Variants in ANKRD31 observed in about 807,000 individuals in gnomAD.
The protein encoded by ANKRD31 is ankyrin repeat domain-containing protein 31.
ANKRD31 carries 147 observed loss-of-function variants against 186.0 expected under a neutral mutation model. The observed-to-expected ratio is 0.79, with a 90% CI of 0.69 to 0.91. The LOEUF (loss-of-function observed/expected upper bound fraction) is 0.91. Ranked by LOEUF, ANKRD31 falls within the 40% of genes least tolerant of loss-of-function variation. ANKRD31 has a pLI of 0.00. For missense variants in ANKRD31, 1,986 were observed against 2,148.8 expected, an observed-to-expected ratio of 0.92 and a Z score of 1.50; for synonymous variants, 673 against 736.4, an observed-to-expected ratio of 0.91 and a Z score of 1.39.
chr5:75,118,142 T>C lies in ANKRD31; in HGVS notation c.4032A>G (p.Ile1344Met), dbSNP rs1360331604. Residue 1344 changes from isoleucine (I) to methionine (M), a missense_variant, in exon 18 of 26, where the codon ATA (isoleucine) becomes ATG (methionine). Transcript: ENST00000506364. ...CAATATTGATATACATACCATTGAC[T>C]ATAGCATCACTCTCATCTCTATTAA... ...ETVNRDESDA[I>M]VNEKIPAVRS... 1 of 1,472,474 alleles carries C rather than the reference T, an allele frequency of 6.8e-7. No homozygotes were observed. Among genetic ancestry groups the C allele is most frequent in the Non-Finnish European group, 8.9e-7 (1 of 1,123,238 alleles). 91.2% of individuals were successfully genotyped at this position (1,472,474 alleles called of 1,614,324 possible).
intron 3 of ANKRD31, among the ~76,000 whole-genome samples, chr5:75,214,933 T>A (rs1402782357): frequency 6.6e-6 from 1 of 152,128 alleles, no homozygotes; most frequent in Non-Finnish European, 1.5e-5. Context: ...ACCAATGGGA[T>A]GTGTACATAT....
chr5:75,117,806 C>T, intron 18 of ANKRD31, among the ~76,000 whole-genome samples: 1 of 152,052 alleles, frequency 6.6e-6, no homozygotes, highest in East Asian at 1.9e-4. Context: ...TAATGTCGCC[C>T]TTTTCCAGCC....
chr5:75,080,560 T>C lies in ANKRD31; in HGVS notation c.5647+8A>G. ...TAAATGGAATTGAATATTTTCTTTT[T>C]TTTTTACCTTGTCCAAATTTTGTTT... On this transcript the variant is annotated splice_region_variant and intron_variant, in intron 25 of 25. Coordinates refer to ENST00000506364, the MANE Select transcript of ANKRD31 (RefSeq NM_001372053.1). The C allele has an allele frequency of 1.3e-6, 2 of 1,518,298 alleles. No homozygotes were observed. The highest frequency in any genetic ancestry group is 1.2e-5 in the South Asian group (1 of 81,504). 94.1% of individuals were successfully genotyped at this position (1,518,298 alleles called of 1,614,324 possible). A position where few individuals can be genotyped will look rare whatever the true frequency, so the allele number is the denominator to read the frequency against.
At chr5:75,149,554 A>G (rs531381413) in intron 12 of ANKRD31, among the ~76,000 whole-genome samples, 109 of 152,008 alleles carry the variant, frequency 7.2e-4, no homozygotes, top group Non-Finnish European at 1.3e-3. Flanking sequence ...AAAAGGTGCT[A>G]TTCCTTTGGA....
At chr5:75,188,402 T>C in intron 10 of ANKRD31, 91 bp downstream of exon 10, 1 of 1,260,868 alleles carries the variant, frequency 7.9e-7, no homozygotes, top group Admixed American at 3.1e-5. Flanking sequence ...GGAACTTACC[T>C]TAGGCTCACT....
chr5:75,157,349 G>A (rs1219044152), intron 11 of ANKRD31, among the ~76,000 whole-genome samples: 6 of 152,174 alleles, frequency 3.9e-5, no homozygotes, highest in Non-Finnish European at 7.3e-5. Context: ...GTTTGGCTGA[G>A]GTGATTTCCA....
chr5:75,121,363 G>T (rs1009319192), intron 17 of ANKRD31, among the ~76,000 whole-genome samples: 2 of 152,018 alleles, frequency 1.3e-5, no homozygotes, highest in African/African-American at 2.4e-5. Flanking sequence ...TAATACTGGG[G>T]CACTTGAACA....
chr5:75,118,242 TG>T lies in ANKRD31; in HGVS notation c.3931del (p.Gln1311ArgfsTer13). The T allele has an allele frequency of 2.6e-6, 4 of 1,524,480 alleles. No homozygotes were observed. The highest frequency in any genetic ancestry group is 3.5e-6 in the Non-Finnish European group (4 of 1,143,792). The allele number at this position is 1,524,480 out of a possible 1,614,324, so 94.4% of individuals were successfully genotyped here. A position where few individuals can be genotyped will look rare whatever the true frequency, so the allele number is the denominator to read the frequency against. ...GANPNQKDQK[Q>X]KSALDEADDE... ...ATCTGCTTCATCCAAAGCACTCTTC[TG>T]TTTTTGATCTTTTTGATTAGGGTTT... is the stretch of plus-strand genomic sequence containing the variant. On this transcript the variant is annotated frameshift_variant, in exon 18 of 26. Transcript: ENST00000506364. LOFTEE classifies it high-confidence loss of function.
At chr5:75,139,131 T>A in intron 15 of ANKRD31, 148 bp from the exon 16 acceptor site, 1 of 979,056 alleles carries the variant, frequency 1.0e-6, no homozygotes, top group Non-Finnish European at 1.4e-6. Flanking sequence ...ATTGTTTTAA[T>A]ATATAATTTC....
At chr5:75,110,946 T>A (rs1747731706) in intron 20 of ANKRD31, among the ~76,000 whole-genome samples, 1 of 151,616 alleles carries the variant, frequency 6.6e-6, no homozygotes, top group African/African-American at 2.4e-5. Context: ...GCTTATATAA[T>A]TTGACCAATA....
chr5:75,104,160 T>C (rs991122069), intron 22 of ANKRD31, 68 bp downstream of exon 22: 7 of 1,297,328 alleles, frequency 5.4e-6, no homozygotes, highest in Middle Eastern at 2.8e-4. Flanking sequence ...GTCTATATTA[T>C]GTGACAGCAA....
chr5:75,232,638 T>C (rs147822366), intron 1 of ANKRD31, among the ~76,000 whole-genome samples: 44 of 152,196 alleles, frequency 2.9e-4, no homozygotes, highest in African/African-American at 9.6e-4. Context: ...CACTATTCTA[T>C]ATCTTGATTG....
intron 17 of ANKRD31, among the ~76,000 whole-genome samples, chr5:75,134,730 G>C (rs938846883): frequency 6.6e-6 from 1 of 152,050 alleles, no homozygotes; most frequent in African/African-American, 2.4e-5. Context: ...GAGAATTTTG[G>C]ACCAATATCC....
Position 75,192,647 on chromosome 5 carries a change from A to G in ANKRD31, c.1408+20T>C. On this transcript the variant is annotated intron_variant, in intron 9 of 25. Coordinates refer to ENST00000506364, the MANE Select transcript of ANKRD31 (RefSeq NM_001372053.1). Reference sequence around the variant, plus strand: ...CTGTTTTTGTAAAAGAAATAGAAAAATACTCAAAATATGCATCACCTTTTT... The same window carrying G: ...CTGTTTTTGTAAAAGAAATAGAAAAGTACTCAAAATATGCATCACCTTTTT... The G allele has an allele frequency of 6.9e-7, 1 of 1,450,196 alleles. No individual in the cohort carries two copies. The highest frequency in any genetic ancestry group is 9.3e-7 in the Non-Finnish European group (1 of 1,077,588). 89.8% of individuals were successfully genotyped at this position (1,450,196 alleles called of 1,614,324 possible).
At chr5:75,185,894 A>G (rs1215082705) in intron 10 of ANKRD31, among the ~76,000 whole-genome samples, 1 of 152,090 alleles carries the variant, frequency 6.6e-6, no homozygotes, top group Admixed American at 6.6e-5. Context: ...ATGGTGTCCA[A>G]TTCCAGGAAA....
In ANKRD31 at chr5:75,068,753, G is replaced by A. The variant is rs558412326; in HGVS notation, c.5648-89C>T. Reference sequence around the variant, plus strand: ...ATTACAAATCCTAGAATCCAATCAAGTCTATTTGAGAGCACACATAACAGG... The same window carrying A: ...ATTACAAATCCTAGAATCCAATCAAATCTATTTGAGAGCACACATAACAGG... On this transcript the variant is annotated intron_variant, in intron 25 of 25. Coordinates refer to ENST00000506364, the MANE Select transcript of ANKRD31 (RefSeq NM_001372053.1). The A allele has an allele frequency of 5.5e-5, 72 of 1,311,638 alleles. No individual in the cohort carries two copies. The South Asian group carries it at 1.2e-3, about 22-fold the overall frequency. The allele number at this position is 1,311,638 out of a possible 1,614,324, so 81.2% of individuals were successfully genotyped here.
intron 22 of ANKRD31, among the ~76,000 whole-genome samples, chr5:75,097,511 T>A (rs190147428): frequency 6.4e-4 from 97 of 152,310 alleles, no homozygotes. Flanking sequence ...TGGGGTTGAT[T>A]TTTTCTTGTA....
At position 75,095,111 on chromosome 5, in the gene ANKRD31, C is replaced by T. The variant is rs1031507117; in HGVS notation, c.5332-3710G>A. ...TACTTCAATATCCCACTTTCAATAACGTATGGTAGTCCCCTTATCTGTAAT... is the reference window on the plus strand; with the variant it reads ...TACTTCAATATCCCACTTTCAATAATGTATGGTAGTCCCCTTATCTGTAAT... On this transcript the variant is annotated intron_variant, in intron 22 of 25. Coordinates refer to ENST00000506364, the MANE Select transcript of ANKRD31 (RefSeq NM_001372053.1). 3.3e-5 allele frequency among the ~76,000 whole-genome samples: 5 copies of T among 152,094 alleles called. No homozygotes were observed. In the East Asian group the frequency reaches 5.8e-4, roughly 18 times the overall value.
intron 20 of ANKRD31, among the ~76,000 whole-genome samples, chr5:75,110,120 T>C (rs921596162): frequency 2.0e-5 from 3 of 152,138 alleles, no homozygotes; most frequent in Non-Finnish European, 4.4e-5. Context: ...ATGTACTGGT[T>C]ATAATATAAT....
Sources: allele counts gnomAD v4.1 joint callset (sites outside exome capture counted in the v4.1 genomes callset), GRCh38; gene constraint gnomAD v4.1.1; transcripts MANE v1.5; gene names NCBI Gene and HGNC (gene_info 2026-07-23, HGNC 2026-07-21).